Variants in ATP6V0A1 observed in about 807,000 individuals in gnomAD.
The protein encoded by ATP6V0A1 is ATPase H+ transporting V0 subunit a1.
In ATP6V0A1, 43 loss-of-function variants were observed where a neutral mutation model predicts 105.4. That is an observed-to-expected ratio of 0.41 (90% CI 0.32 to 0.53). ATP6V0A1 has a LOEUF of 0.53. Ranked by LOEUF, ATP6V0A1 falls within the 20% of genes least tolerant of loss-of-function variation. The probability of loss-of-function intolerance (pLI) is 0.30; values close to 1 mark genes in which losing one functional copy is unlikely to be tolerated. For synonymous variants in ATP6V0A1, 362 were observed against 372.8 expected, an observed-to-expected ratio of 0.97 and a Z score of 0.33; for missense variants, 676 against 1,051.1, an observed-to-expected ratio of 0.64 and a Z score of 4.93.
At chr17:42,472,400 A>G (rs2088094991) in intron 5 of ATP6V0A1, among the ~76,000 whole-genome samples, 2 of 151,770 alleles carry the variant, frequency 1.3e-5, no homozygotes, top group Non-Finnish European at 2.9e-5. Context: ...TTGTACTTTA[A>G]ATTTATATAT....
chr17:42,506,601 T>C (rs1165408256), intron 17 of ATP6V0A1, among the ~76,000 whole-genome samples: 2 of 152,248 alleles, frequency 1.3e-5, no homozygotes, highest in African/African-American at 2.4e-5. Context: ...ACAGAAACCA[T>C]ATGAAGTGAT....
intron 10 of ATP6V0A1, 65 bp from the exon 11 acceptor site, chr17:42,490,422 C>T (rs1002023631): frequency 6.9e-7 from 1 of 1,442,332 alleles, no homozygotes; most frequent in Non-Finnish European, 9.2e-7. Flanking sequence ...AAATGTACAC[C>T]TGTGTAACCA....
Position 42,484,835 on chromosome 17 carries a change from CTT to C in ATP6V0A1, c.810+1709_810+1710del, listed in dbSNP as rs1357705071. Among the ~76,000 whole-genome samples the C allele has an allele frequency of 4.1e-3, 578 of 139,984 alleles. 9 individuals are homozygous for C. The highest frequency in any genetic ancestry group is 0.014 in the African/African-American group (549 of 38,678). 91.8% of individuals were successfully genotyped at this position (139,984 alleles called of 152,430 possible). ...CAGGGGTATGTTGTAACTTCCATTT[CTT>C]TTTTCTTTTCTTTTCTTTTTTTTTT... On this transcript the variant is annotated intron_variant, in intron 9 of 21. Transcript: ENST00000343619.
intron 9 of ATP6V0A1, among the ~76,000 whole-genome samples, chr17:42,486,324 T>C (rs1189367677): frequency 6.6e-6 from 1 of 151,738 alleles, no homozygotes; most frequent in Non-Finnish European, 1.5e-5. Context: ...GGCGGGAGAA[T>C]CGTTTGAACC....
intron 5 of ATP6V0A1, 72 bp downstream of exon 5, chr17:42,470,290 C>A: frequency 6.5e-7 from 1 of 1,538,334 alleles, no homozygotes; most frequent in Non-Finnish European, 8.9e-7. Context: ...TATTTTTATT[C>A]CAGTAATTAT....
In ATP6V0A1 at chr17:42,495,737, T is replaced by C. The variant is rs373378635; in HGVS notation, c.1560+21T>C. The C allele has an allele frequency of 6.4e-5, 101 of 1,578,042 alleles. 1 individual carries two copies. The highest frequency in any genetic ancestry group is 8.3e-5 in the Non-Finnish European group (95 of 1,147,806). On this transcript the variant is annotated intron_variant, in intron 14 of 21. Coordinates refer to ENST00000343619, the MANE Select transcript of ATP6V0A1 (RefSeq NM_001130021.3). ...ATCCAGTAAGAGGACTTCCTTCCTA[T>C]ATGCTAACCTCAAATTTTTTAACAC...
intron 10 of ATP6V0A1, among the ~76,000 whole-genome samples, chr17:42,488,612 A>G (rs2090331327): frequency 1.3e-5 from 2 of 152,128 alleles, no homozygotes; most frequent in Admixed American, 1.3e-4. Context: ...CTGGGACTAC[A>G]GGTGCCCACC....
chr17:42,514,490 G>A (rs1269250670), intron 21 of ATP6V0A1, 30 bp downstream of exon 21: 1 of 1,553,896 alleles, frequency 6.4e-7, no homozygotes, highest in East Asian at 2.3e-5. Context: ...GGCGGGCATG[G>A]GGGTGGATGT....
intron 10 of ATP6V0A1, among the ~76,000 whole-genome samples, chr17:42,488,004 C>A (rs1199475476): frequency 6.6e-6 from 1 of 152,036 alleles, no homozygotes; most frequent in Non-Finnish European, 1.5e-5. Context: ...TTCCTGATGC[C>A]CTCTCTGTAT....
At chr17:42,490,431 C>T in intron 10 of ATP6V0A1, 56 bp from the exon 11 acceptor site, 2 of 1,489,442 alleles carry the variant, frequency 1.3e-6, no homozygotes, top group East Asian at 2.4e-5. Context: ...CCTGTGTAAC[C>T]ACTACCACAA....
chr17:42,496,915 AC>A (rs1244460526), intron 14 of ATP6V0A1, among the ~76,000 whole-genome samples: 1 of 152,108 alleles, frequency 6.6e-6, no homozygotes, highest in Non-Finnish European at 1.5e-5. Flanking sequence ...AAGATAAACA[AC>A]CCAATTTCTT....
chr17:42,495,372 A>AT (rs371402666), intron 13 of ATP6V0A1, among the ~76,000 whole-genome samples, 184 bp downstream of exon 13: 787 of 141,682 alleles, frequency 5.6e-3, no homozygotes, highest in African/African-American at 0.015. Flanking sequence ...ATTAGAAATG[A>AT]TTTTTTTTTT....
intron 11 of ATP6V0A1, among the ~76,000 whole-genome samples, chr17:42,491,139 G>C (rs2090584727): frequency 6.6e-6 from 1 of 151,948 alleles, no homozygotes; most frequent in African/African-American, 2.4e-5. Context: ...TGGACTCCTG[G>C]GCTCAAGGAA....
intron 21 of ATP6V0A1, among the ~76,000 whole-genome samples, chr17:42,515,567 C>T (rs1383099816): frequency 6.6e-6 from 1 of 151,906 alleles, no homozygotes; most frequent in Non-Finnish European, 1.5e-5. Flanking sequence ...GGGTGGATCA[C>T]CTGAGGTGGG....
chr17:42,509,657 C>CT (rs1263895159), intron 19 of ATP6V0A1: 1 of 152,266 alleles, frequency 6.6e-6, no homozygotes, highest in Admixed American at 6.5e-5. Context: ...GAGCCCAACC[C>CT]TTTCCCTGGC....
chr17:42,494,350 C>G lies in ATP6V0A1; in HGVS notation c.1191C>G (p.Ile397Met). 6.2e-7 allele frequency: 1 copy of G among 1,613,292 alleles called. No homozygotes were observed. The change falls in exon 12 of 22, where the codon ATC becomes ATG. Residue 397 changes from isoleucine (I) to methionine (M), a missense_variant. Ile to Met is a conservative substitution (Grantham distance 10). Transcript: ENST00000343619. ...TCTTCATAGCTCCGTATACTATTAT[C>G]ACGTTCCCTTTTCTATTTGCTGTGA... ...REINPAPYTI[I>M]TFPFLFAVMF... is the part of the protein sequence containing the mutation.
Position 42,507,681 on chromosome 17 carries a change from C to T in ATP6V0A1, c.2112+54C>T, listed in dbSNP as rs771281606. 5 of 1,419,388 alleles carry T rather than the reference C, an allele frequency of 3.5e-6. No individual in the cohort carries two copies. In the African/African-American group the frequency reaches 5.6e-5, roughly 16 times the overall value. 87.9% of individuals were successfully genotyped at this position (1,419,388 alleles called of 1,614,324 possible). A position where few individuals can be genotyped will look rare whatever the true frequency, so the allele number is the denominator to read the frequency against. ...CCTTCCACCTCGGGTCAGCCCTAGT[C>T]TTGTGTACCTAAGAGGCCTCACTCC... On this transcript the variant is annotated intron_variant, in intron 18 of 21. Transcript: ENST00000343619.
At chr17:42,505,011 G>A (rs962915982) in intron 17 of ATP6V0A1, among the ~76,000 whole-genome samples, 3 of 151,336 alleles carry the variant, frequency 2.0e-5, no homozygotes, top group Non-Finnish European at 2.9e-5. Flanking sequence ...AGTGTATCTT[G>A]AAGATTGTTT....
chr17:42,484,335 G>A (rs922477868), intron 9 of ATP6V0A1, among the ~76,000 whole-genome samples: 4 of 152,178 alleles, frequency 2.6e-5, no homozygotes, highest in South Asian at 2.1e-4. Flanking sequence ...GGGATTATAG[G>A]TGTGAGCCAC....
Sources: allele counts gnomAD v4.1 joint callset (sites outside exome capture counted in the v4.1 genomes callset), GRCh38; gene constraint gnomAD v4.1.1; transcripts MANE v1.5; gene names NCBI Gene and HGNC (gene_info 2026-07-23, HGNC 2026-07-21).